NUP153: variants seen among roughly 807,000 people sequenced by gnomAD.
NUP153 encodes nucleoporin 153.
A neutral mutation model predicts 134.6 loss-of-function variants in NUP153; 27 were observed. The observed-to-expected ratio is 0.20, with a 90% CI of 0.15 to 0.28. The LOEUF (loss-of-function observed/expected upper bound fraction) is 0.28. Ranked by LOEUF, NUP153 falls within the 10% of genes least tolerant of loss-of-function variation. The pLI, the probability that NUP153 is intolerant of heterozygous loss-of-function variation, is 1.00. For synonymous variants in NUP153, 640 were observed against 623.5 expected, an observed-to-expected ratio of 1.03 and a Z score of -0.40; for missense variants, 1,821 against 1,731.3, an observed-to-expected ratio of 1.05 and a Z score of -0.92.
chr6:17,661,208 C>T lies in NUP153; in HGVS notation c.1395+445G>A, dbSNP rs140804016. ...AAATGCCTATAGTCCCAGCTACTTG[C>T]GTGGCTGAGGCACAGGAATTGCTTG... is the stretch of plus-strand genomic sequence containing the variant. On this transcript the variant is annotated intron_variant, in intron 11 of 21. Transcript: ENST00000262077. Among the ~76,000 whole-genome samples the T allele has an allele frequency of 1.1e-4, 16 of 152,102 alleles. 1 individual carries two copies. The highest frequency in any genetic ancestry group is 5.9e-4 in the Admixed American group (9 of 15,258).
At chr6:17,635,398 C>T (rs143433747) in intron 16 of NUP153, among the ~76,000 whole-genome samples, 1,643 of 151,850 alleles carry the variant, frequency 0.011, 27 homozygotes, top group African/African-American at 0.037. Flanking sequence ...TGTAAGCCAC[C>T]GCACCCGGCC....
rs766312654 is a variant in NUP153, at chr6:17,637,674, C to G, written c.1943G>C (p.Ser648Thr). The part of the protein sequence containing the change: ...TRPAISSFSS[S>T]GIGFGESLKA... The stretch of plus-strand genomic sequence containing the variant: ...TAAACTCTCCCCAAACCCAATTCCA[C>G]TAGAAGAAAAGCTACTTATTGCTGG... Residue 648 changes from serine to threonine, a missense_variant, in exon 16 of 22, where the codon AGT becomes ACT. Physicochemically the swap from Ser to Thr is moderately conservative, Grantham distance 58 (BLOSUM62 1). Coordinates refer to ENST00000262077, the MANE Select transcript of NUP153 (RefSeq NM_005124.4). The G allele has an allele frequency of 9.3e-6, 15 of 1,613,108 alleles. No individual in the cohort carries two copies. Among genetic ancestry groups the G allele is most frequent in the Non-Finnish European group, 1.3e-5 (15 of 1,180,040 alleles).
At chr6:17,665,924 A>G (rs1453857504) in intron 8 of NUP153, among the ~76,000 whole-genome samples, 1 of 151,648 alleles carries the variant, frequency 6.6e-6, no homozygotes, top group Non-Finnish European at 1.5e-5. Flanking sequence ...CCTGGGCTCA[A>G]GCAATCTGCC....
At chr6:17,631,254 G>A (rs1051227165) in intron 17 of NUP153, among the ~76,000 whole-genome samples, 16 of 152,188 alleles carry the variant, frequency 1.1e-4, no homozygotes, top group Non-Finnish European at 1.3e-4. Context: ...CATATACGCT[G>A]TGCAGGTGAT....
At chr6:17,630,861 C>A (rs770484315) in intron 17 of NUP153, among the ~76,000 whole-genome samples, 1 of 151,850 alleles carries the variant, frequency 6.6e-6, no homozygotes, top group Non-Finnish European at 1.5e-5. Context: ...AGATCAAAGT[C>A]TTGGTTTCAT....
At chr6:17,645,067 A>G (rs979231746) in intron 14 of NUP153, among the ~76,000 whole-genome samples, 1 of 151,918 alleles carries the variant, frequency 6.6e-6, no homozygotes, top group Non-Finnish European at 1.5e-5. Flanking sequence ...CCTGGGGGAC[A>G]CAACAAGGCT....
In NUP153 at chr6:17,677,933, G is replaced by C. The variant is rs541268649; in HGVS notation, c.335-2163C>G. Among the ~76,000 whole-genome samples, 3 of 152,048 alleles carry C rather than the reference G, an allele frequency of 2.0e-5. No homozygotes were observed. The South Asian group carries it at 6.2e-4, about 32-fold the overall frequency. On this transcript the variant is annotated intron_variant, in intron 2 of 21. Transcript: ENST00000262077. Reference sequence around the variant, plus strand: ...AATATTAACTTTGTGTCAATTGCTAGAGTTTTCTTATTCTAACACATTACC... The same window carrying C: ...AATATTAACTTTGTGTCAATTGCTACAGTTTTCTTATTCTAACACATTACC...
At chr6:17,668,920 T>G in intron 8 of NUP153, 55 bp downstream of exon 8, 1 of 1,247,058 alleles carries the variant, frequency 8.0e-7, no homozygotes, top group South Asian at 1.3e-5. Flanking sequence ...TTGTGAACTT[T>G]AAACACAACA....
intron 2 of NUP153, among the ~76,000 whole-genome samples, chr6:17,679,203 A>G (rs906572086): frequency 3.3e-5 from 5 of 152,222 alleles, no homozygotes; most frequent in African/African-American, 1.2e-4. Flanking sequence ...AAGTACCAGG[A>G]TACAAAAATC....
At position 17,638,038 on chromosome 6, in the gene NUP153, A is replaced by G. The variant is rs1765652340; in HGVS notation, c.1847-268T>C. On this transcript the variant is annotated intron_variant, in intron 15 of 21. Coordinates refer to ENST00000262077, the MANE Select transcript of NUP153 (RefSeq NM_005124.4). This position sits in a 1 kb window ranked among gnomAD's most constrained non-coding sequence, Gnocchi z 4.0. The stretch of plus-strand genomic sequence containing the variant: ...AGGAATTTCTAGTTTGATGCTTTCA[A>G]TGGTACTAATTTACTGATATGTATT... 6.6e-6 allele frequency among the ~76,000 whole-genome samples: 1 copy of G among 152,220 alleles called. No individual in the cohort carries two copies. The highest frequency in any genetic ancestry group is 1.5e-5 in the Non-Finnish European group (1 of 68,042).
At chr6:17,634,612 T>C (rs1174982950) in intron 16 of NUP153, among the ~76,000 whole-genome samples, 1 of 152,110 alleles carries the variant, frequency 6.6e-6, no homozygotes. Flanking sequence ...AATTTTTGTA[T>C]TTTTAGTAGA....
chr6:17,679,405 A>G (rs1400190191), intron 2 of NUP153, among the ~76,000 whole-genome samples: 1 of 152,246 alleles, frequency 6.6e-6, no homozygotes, highest in African/African-American at 2.4e-5. Context: ...ACGTACATGG[A>G]CTACAAGACT....
rs778385534 is a variant in NUP153 at position 17,637,233 on chromosome 6, C to G, written c.2384G>C (p.Gly795Ala). The G allele has an allele frequency of 6.2e-7, 1 of 1,614,172 alleles. No individual in the cohort carries two copies. Among genetic ancestry groups the G allele is most frequent in the East Asian group, 2.2e-5 (1 of 44,880 alleles). The change falls in exon 16 of 22, where the codon GGA (glycine) becomes GCA (alanine). Residue 795 changes from glycine (G) to alanine (A), a missense_variant. Coordinates refer to ENST00000262077, the MANE Select transcript of NUP153 (RefSeq NM_005124.4). ...GFGDKFKRPIGSWECSVCCVS... is the reference protein window; with the variant it reads ...GFGDKFKRPIASWECSVCCVS... ...ACAGCATACTGAACACTCCCAAGAT[C>G]CAATGGGCCTTTTGAATTTATCTCC...
chr6:17,653,049 T>C (rs1053465150), intron 11 of NUP153, among the ~76,000 whole-genome samples: 9 of 152,014 alleles, frequency 5.9e-5, no homozygotes, highest in African/African-American at 1.9e-4. Flanking sequence ...GCTCAGGAGT[T>C]TGAGACCAGC....
chr6:17,689,071 T>TAA (rs34922440), intron 1 of NUP153, among the ~76,000 whole-genome samples: 1 of 147,464 alleles, frequency 6.8e-6, no homozygotes, highest in Non-Finnish European at 1.5e-5. Context: ...ATACAAGAGT[T>TAA]AAAAAAAAAA....
chr6:17,624,492 A>G (rs1764816792), intron 20 of NUP153, 69 bp downstream of exon 20: 1 of 1,479,804 alleles, frequency 6.8e-7, no homozygotes, highest in Admixed American at 1.9e-5. Context: ...ATGGTTTCCA[A>G]GCTCAAAGGA....
At chr6:17,681,253 T>TA in intron 2 of NUP153, among the ~76,000 whole-genome samples, 2 of 150,332 alleles carry the variant, frequency 1.3e-5, no homozygotes, top group South Asian at 4.2e-4. Context: ...GGAAACAGAA[T>TA]AGAATGACGA....
chr6:17,675,039 C>T lies in NUP153; in HGVS notation c.724-6G>A, dbSNP rs769795854. The T allele has an allele frequency of 6.2e-7, 1 of 1,611,606 alleles. No homozygotes were observed. The highest frequency in any genetic ancestry group is 8.5e-7 in the Non-Finnish European group (1 of 1,179,298). On this transcript the variant is annotated splice_region_variant and splice_polypyrimidine_tract_variant and intron_variant, in intron 4 of 21. Transcript: ENST00000262077. The surrounding 1 kb of genome is among the most constrained non-coding windows in gnomAD (Gnocchi z 4.4). ...ATTGAAGAATTCCCAAGTGACTGCA[C>T]AGAAACAGAATGATAAATTATAAGC...
At chr6:17,641,409 C>A (rs1187059465) in intron 14 of NUP153, among the ~76,000 whole-genome samples, 2 of 152,062 alleles carry the variant, frequency 1.3e-5, no homozygotes, top group Admixed American at 6.5e-5. Flanking sequence ...GTGGTACACA[C>A]CTGTAGTCTC....
Sources: gnomAD v4.1 joint callset for allele counts (sites outside exome capture counted in the v4.1 genomes callset) on GRCh38, gnomAD v4.1.1 for gene constraint, Gnocchi (gnomAD v3.1) non-coding constraint, MANE v1.5 for transcripts, NCBI Gene and HGNC (gene_info 2026-07-23, HGNC 2026-07-21) for gene names.